Variants in CCNJL observed in about 807,000 individuals in gnomAD.
CCNJL encodes cyclin J like.
In CCNJL, 33 loss-of-function variants were observed where a neutral mutation model predicts 33.4. The observed-to-expected ratio is 0.99, with a 90% CI of 0.75 to 1.32. CCNJL has a LOEUF of 1.32. CCNJL is among the 40% of genes most tolerant of loss of function. CCNJL has a pLI of 0.00. For missense variants in CCNJL, 512 were observed against 499.7 expected, an observed-to-expected ratio of 1.02 and a Z score of -0.23; for synonymous variants, 227 against 220.9, an observed-to-expected ratio of 1.03 and a Z score of -0.24.
chr5:160,308,526 G>C (rs1266868229), intron 2 of CCNJL, among the ~76,000 whole-genome samples: 1 of 152,236 alleles, frequency 6.6e-6, no homozygotes, highest in Non-Finnish European at 1.5e-5. Flanking sequence ...GGGAGGCCGA[G>C]GCTGACGGAT....
chr5:160,281,262 T>C (rs1159155640), intron 2 of CCNJL: 1 of 169,916 alleles, frequency 5.9e-6, no homozygotes, highest in African/African-American at 2.4e-5. Flanking sequence ...TTTCTGAGGG[T>C]AGGATTACGA....
At chr5:160,339,360 A>AAAC in intron 1 of CCNJL, 1 of 209,074 alleles carries the variant, frequency 4.8e-6, no homozygotes, top group Non-Finnish European at 9.3e-6. Flanking sequence ...CATGCAAAAC[A>AAAC]AAAAAAAAAA....
Position 160,253,244 on chromosome 5 carries a change from G to A in CCNJL, c.*134C>T. 1.3e-6 allele frequency: 1 copy of A among 753,438 alleles called. No individual in the cohort carries two copies. Among genetic ancestry groups the A allele is most frequent in the East Asian group, 2.9e-5 (1 of 34,826 alleles). The allele number at this position is 753,438 out of a possible 1,614,324, so 46.7% of individuals were successfully genotyped here. On this transcript the variant is annotated 3_prime_UTR_variant, in exon 6 of 6. Coordinates refer to ENST00000257536, the MANE Select transcript of CCNJL (RefSeq NM_001308173.3). ...TGCTCTGGGTCAGTTTTATTTAAAA[G>A]GAGCACAGACCCTCCACGTTCCAAG...
At chr5:160,309,578 G>A (rs545390702) in intron 2 of CCNJL, among the ~76,000 whole-genome samples, 45 of 152,332 alleles carry the variant, frequency 3.0e-4, no homozygotes, top group African/African-American at 1.0e-3. Context: ...TACCCTGTCT[G>A]AGAAAAACAA....
intron 5 of CCNJL, chr5:160,254,360 C>CA (rs997521306): frequency 7.2e-5 from 47 of 657,112 alleles, no homozygotes; most frequent in Non-Finnish European, 8.2e-5. Context: ...TTTGCCATCT[C>CA]AAAAAAAGCT....
chr5:160,294,756 T>A (rs918669828), intron 2 of CCNJL: 1 of 152,200 alleles, frequency 6.6e-6, no homozygotes, highest in African/African-American at 2.4e-5. Flanking sequence ...GGGGTGCCCC[T>A]CATCCTCCCA....
chr5:160,305,564 TC>T (rs1177028804), intron 2 of CCNJL, among the ~76,000 whole-genome samples: 1 of 152,182 alleles, frequency 6.6e-6, no homozygotes, highest in Non-Finnish European at 1.5e-5. Context: ...AGAGAGCACA[TC>T]CGTTGGAGAG....
intron 3 of CCNJL, among the ~76,000 whole-genome samples, chr5:160,277,251 G>A (rs17057596): frequency 0.16 from 24,657 of 152,098 alleles, 2,297 homozygotes; most frequent in East Asian, 0.36. Context: ...GGATCCGTGC[G>A]ATGTGTGTAA....
chr5:160,255,451 A>AG, intron 5 of CCNJL, 98 bp downstream of exon 5: 1 of 1,101,554 alleles, frequency 9.1e-7, no homozygotes, highest in Non-Finnish European at 1.3e-6. Flanking sequence ...AACCACCACA[A>AG]GTTCCAGACT....
At chr5:160,283,086 G>A (rs1762294317) in intron 2 of CCNJL, among the ~76,000 whole-genome samples, 2 of 143,068 alleles carry the variant, frequency 1.4e-5, no homozygotes, top group Non-Finnish European at 3.0e-5. Context: ...ACTCACAGCA[G>A]CATCATTCAT....
At chr5:160,295,487 C>CAAAT (rs764931270) in intron 2 of CCNJL, among the ~76,000 whole-genome samples, 13 of 151,754 alleles carry the variant, frequency 8.6e-5, no homozygotes, top group Admixed American at 3.9e-4. Flanking sequence ...GACTCTGTCT[C>CAAAT]AAATAAATAA....
In CCNJL at chr5:160,251,138, T is replaced by C. The variant is rs550832385; in HGVS notation, c.*2240A>G. The C allele has an allele frequency of 1.3e-5, 2 of 152,354 alleles. No individual in the cohort carries two copies. The highest frequency in any genetic ancestry group is 1.3e-4 in the Admixed American group (2 of 15,302). 9.4% of individuals were successfully genotyped at this position (152,354 alleles called of 1,614,324 possible). ...CAGTTGACTTTAAGAAAAGCCTCCA[T>C]AATGTGGGTGGGCCTCATCCAACTG... On this transcript the variant is annotated 3_prime_UTR_variant, in exon 6 of 6. Coordinates refer to ENST00000257536, the MANE Select transcript of CCNJL (RefSeq NM_001308173.3).
intron 2 of CCNJL, among the ~76,000 whole-genome samples, chr5:160,298,478 T>G (rs1337471437): frequency 6.6e-6 from 1 of 152,202 alleles, no homozygotes; most frequent in Admixed American, 6.5e-5. Flanking sequence ...GGGACTCTTA[T>G]GCAACACACA....
chr5:160,311,944 C>T lies in CCNJL; in HGVS notation c.-21G>A, dbSNP rs1763276885. On this transcript the variant is annotated 5_prime_UTR_variant, in exon 2 of 6. Transcript: ENST00000257536. ...ATCATCGCGTACGCAGCGCCGCTAT[C>T]CGAGGCTACCCGGCTCTCAGGGCGC... The T allele has an allele frequency of 6.2e-7, 1 of 1,613,082 alleles. No homozygotes were observed. The highest frequency in any genetic ancestry group is 1.3e-5 in the African/African-American group (1 of 74,924).
At chr5:160,324,352 C>T (rs1449643603) in intron 1 of CCNJL, among the ~76,000 whole-genome samples, 1 of 151,990 alleles carries the variant, frequency 6.6e-6, no homozygotes, top group Non-Finnish European at 1.5e-5. Flanking sequence ...GCAGGCGGAT[C>T]ACCTGAGGTC....
intron 5 of CCNJL, chr5:160,255,158 C>T (rs1761001664): frequency 6.5e-6 from 1 of 153,450 alleles, no homozygotes; most frequent in African/African-American, 2.4e-5. Context: ...ACTAAAAATA[C>T]AAAAATTAGC....
rs1317905341 is a variant in CCNJL at position 160,312,377 on chromosome 5, G to C, written c.-63C>G. On this transcript the variant is annotated 5_prime_UTR_variant, in exon 1 of 6. Transcript: ENST00000257536. ...GGCGAAACTCACGCATCCTCTCTGG[G>C]CGTGGGGGGCTGCGAGCGCCGGGCC... The C allele has an allele frequency of 6.0e-6, 1 of 165,444 alleles. No individual in the cohort carries two copies. The highest frequency in any genetic ancestry group is 1.3e-5 in the Non-Finnish European group (1 of 76,536). The allele number at this position is 165,444 out of a possible 1,614,324, so 10.2% of individuals were successfully genotyped here.
Position 160,253,276 on chromosome 5 carries a change from C to T in CCNJL, c.*102G>A. On this transcript the variant is annotated 3_prime_UTR_variant, in exon 6 of 6. Transcript: ENST00000257536. The stretch of plus-strand genomic sequence containing the variant: ...AGACCCTCCACGTTCCAAGGCTCTT[C>T]AGGGATGGCCTCCTGCTGCCTCACT... The T allele has an allele frequency of 8.4e-7, 1 of 1,193,098 alleles. No individual in the cohort carries two copies. The highest frequency in any genetic ancestry group is 2.4e-5 in the East Asian group (1 of 41,378). 73.9% of individuals were successfully genotyped at this position (1,193,098 alleles called of 1,614,324 possible).
upstream of CCNJL, among the ~76,000 whole-genome samples, chr5:160,315,886 T>A (rs910677987): frequency 6.6e-6 from 1 of 152,210 alleles, no homozygotes; most frequent in African/African-American, 2.4e-5. Context: ...AGTCTTTCTA[T>A]GCTGGGTACA....
Sources: gnomAD v4.1 joint callset for allele counts (sites outside exome capture counted in the v4.1 genomes callset) on GRCh38, gnomAD v4.1.1 for gene constraint, MANE v1.5 for transcripts, NCBI Gene and HGNC (gene_info 2026-07-23, HGNC 2026-07-21) for gene names.